The following SLCO1C1 variants were observed in gnomAD, a reference collection of about 807,000 sequenced individuals.
SLCO1C1 encodes the protein OAT-RP-5.
A neutral mutation model predicts 76.4 loss-of-function variants in SLCO1C1; 70 were observed. The ratio of observed to expected loss-of-function variants is 0.92; its 90% confidence interval spans 0.76 to 1.12. SLCO1C1 has a LOEUF of 1.12. SLCO1C1 is among the 50% of genes most tolerant of loss of function. The probability of loss-of-function intolerance (pLI) is 0.00; values close to 1 mark genes in which losing one functional copy is unlikely to be tolerated. For missense variants in SLCO1C1, 912 were observed against 823.8 expected, an observed-to-expected ratio of 1.11 and a Z score of -1.31; for synonymous variants, 306 against 286.1, an observed-to-expected ratio of 1.07 and a Z score of -0.70.
intron 13 of SLCO1C1, among the ~76,000 whole-genome samples, chr12:20,746,266 A>G (rs996060772): frequency 7.9e-5 from 12 of 152,186 alleles, no homozygotes; most frequent in Non-Finnish European, 2.9e-5. Flanking sequence ...CATAGAATAT[A>G]TTAAAACACA....
At chr12:20,699,504 A>C in intron 1 of SLCO1C1, 48 bp from the exon 2 acceptor site, 1 of 1,398,782 alleles carries the variant, frequency 7.1e-7, no homozygotes, top group South Asian at 1.6e-5. Flanking sequence ...AAATTTAATA[A>C]ATTGCGTAGT....
intron 7 of SLCO1C1, among the ~76,000 whole-genome samples, chr12:20,720,769 G>A (rs575147171): frequency 2.0e-5 from 3 of 152,146 alleles, no homozygotes; most frequent in African/African-American, 4.8e-5. Context: ...AGGCCAAGGC[G>A]GGCAGATCAC....
In SLCO1C1 at chr12:20,717,648, C is replaced by CTTTTTTT. The variant is rs534946900; in HGVS notation, c.775+456_775+462dup. ...GTCTACTGGCAACCAAACAGCCCTT[C>CTTTTTTT]TTTTTTTTTTTTTTTTTTTTTTTTT... On this transcript the variant is annotated intron_variant, in intron 7 of 14. Transcript: ENST00000266509. Among the ~76,000 whole-genome samples, 134 of 42,288 alleles carry CTTTTTTT rather than the reference C, an allele frequency of 3.2e-3. 8 individuals are homozygous for CTTTTTTT. The highest frequency in any genetic ancestry group is 6.2e-3 in the South Asian group (5 of 808). 27.7% of individuals were successfully genotyped at this position (42,288 alleles called of 152,430 possible). A position where few individuals can be genotyped will look rare whatever the true frequency, so the allele number is the denominator to read the frequency against.
intron 11 of SLCO1C1, among the ~76,000 whole-genome samples, chr12:20,739,386 T>G (rs930325088): frequency 8.0e-4 from 120 of 150,930 alleles, no homozygotes; most frequent in African/African-American, 2.8e-3. Context: ...GAGATGGGAG[T>G]TGTTTTTTTT....
chr12:20,743,853 T>C (rs1241133230), intron 13 of SLCO1C1, among the ~76,000 whole-genome samples: 5 of 144,810 alleles, frequency 3.5e-5, no homozygotes, highest in African/African-American at 9.7e-5. Context: ...GAGTAGGTCA[T>C]ACTTTAAATT....
intron 9 of SLCO1C1, among the ~76,000 whole-genome samples, chr12:20,724,826 T>C (rs1277237132): frequency 6.8e-6 from 1 of 146,628 alleles, no homozygotes; most frequent in African/African-American, 2.5e-5. Flanking sequence ...TAATAGTTAT[T>C]TATAATACTA....
Position 20,733,105 on chromosome 12 carries a change from G to A in SLCO1C1, c.1382+1G>A. 6.4e-7 allele frequency: 1 copy of A among 1,552,392 alleles called. No individual in the cohort carries two copies. Among genetic ancestry groups the A allele is most frequent in the Middle Eastern group, 1.7e-4 (1 of 5,738 alleles). The stretch of plus-strand genomic sequence containing the variant: ...CAGGACTAACTGTCTCCTACCAAGG[G>A]TATGTTCCCTCATTAAATAGTTTGA... On this transcript the variant is annotated splice_donor_variant, in intron 10 of 14. Transcript: ENST00000266509. LOFTEE classifies it high-confidence loss of function.
At chr12:20,726,635 G>A (rs981141143) in intron 9 of SLCO1C1, among the ~76,000 whole-genome samples, 2 of 152,024 alleles carry the variant, frequency 1.3e-5, no homozygotes, top group African/African-American at 4.8e-5. Flanking sequence ...GATTTTTAAT[G>A]AAAGAAATTT....
At chr12:20,723,684 A>G (rs1460792327) in intron 9 of SLCO1C1, among the ~76,000 whole-genome samples, 3 of 152,160 alleles carry the variant, frequency 2.0e-5, no homozygotes, top group African/African-American at 4.8e-5. Flanking sequence ...AGTTAGTTCA[A>G]AGGGTTGTGT....
intron 10 of SLCO1C1, among the ~76,000 whole-genome samples, chr12:20,736,204 A>G (rs372991703): frequency 6.6e-6 from 1 of 152,024 alleles, no homozygotes; most frequent in South Asian, 2.1e-4. Flanking sequence ...ACAGAAAAAA[A>G]AGTGAGGGAG....
In SLCO1C1 at chr12:20,724,013, G is replaced by A. The variant is rs369173024; in HGVS notation, c.1186+759G>A. Among the ~76,000 whole-genome samples, 125 of 152,150 alleles carry A rather than the reference G, an allele frequency of 8.2e-4. 1 individual carries two copies. The highest frequency in any genetic ancestry group is 2.9e-3 in the African/African-American group (120 of 41,532). On this transcript the variant is annotated intron_variant, in intron 9 of 14. Coordinates refer to ENST00000266509, the MANE Select transcript of SLCO1C1 (RefSeq NM_017435.5). Reference sequence around the variant, plus strand: ...AAAAAAACAGCCAAATGTATTTTAGGAGATATAATTTTTCTATGATAATCT... The same window carrying A: ...AAAAAAACAGCCAAATGTATTTTAGAAGATATAATTTTTCTATGATAATCT...
At chr12:20,750,280 T>C (rs1379813399) in intron 13 of SLCO1C1, among the ~76,000 whole-genome samples, 4 of 152,112 alleles carry the variant, frequency 2.6e-5, no homozygotes, top group Non-Finnish European at 5.9e-5. Flanking sequence ...ATATACCTAA[T>C]AGATAGACTC....
At chr12:20,698,053 T>A (rs979471557) in intron 1 of SLCO1C1, among the ~76,000 whole-genome samples, 2 of 152,082 alleles carry the variant, frequency 1.3e-5, no homozygotes, top group Non-Finnish European at 2.9e-5. Context: ...CTTCTGGTTT[T>A]TATCAATATA....
chr12:20,737,382 C>G (rs1948600426), intron 11 of SLCO1C1, 110 bp downstream of exon 11: 1 of 1,103,972 alleles, frequency 9.1e-7, no homozygotes, highest in Non-Finnish European at 1.2e-6. Flanking sequence ...TGCCTCTTAC[C>G]TCTGCCTGGT....
chr12:20,750,557 T>C, intron 13 of SLCO1C1, 118 bp from the exon 14 acceptor site: 9 of 866,548 alleles, frequency 1.0e-5, no homozygotes, highest in East Asian at 2.4e-5. Context: ...CAGCATGTAA[T>C]TGATGGCCTT....
chr12:20,718,689 G>A (rs141920086), intron 7 of SLCO1C1, among the ~76,000 whole-genome samples: 24 of 152,202 alleles, frequency 1.6e-4, no homozygotes, highest in African/African-American at 5.3e-4. Context: ...TAAATCAAAC[G>A]AAAGTGGTGC....
At chr12:20,738,401 G>T (rs927918868) in intron 11 of SLCO1C1, among the ~76,000 whole-genome samples, 2 of 151,984 alleles carry the variant, frequency 1.3e-5, no homozygotes, top group African/African-American at 4.8e-5. Flanking sequence ...CAGAAAATTA[G>T]ACCACCCATG....
chr12:20,708,734 C>A (rs1946910959), intron 4 of SLCO1C1, among the ~76,000 whole-genome samples: 1 of 152,074 alleles, frequency 6.6e-6, no homozygotes, highest in African/African-American at 2.4e-5. Context: ...GGAGAAAGCA[C>A]AGAAGATGAA....
At position 20,740,211 on chromosome 12, in the gene SLCO1C1, A is replaced by C. The variant is rs558577357; in HGVS notation, c.1576A>C (p.Ile526Leu). Residue 526 changes from isoleucine (I) to leucine (L), a missense_variant, in exon 12 of 15, where the codon ATT becomes CTT. Transcript: ENST00000266509. Reference sequence around the variant, plus strand: ...ATTTTACAACTGCACTTGTGTGGGAATTGCAGCTTCTAAATCCGGAAATTC... The same window carrying C: ...ATTTTACAACTGCACTTGTGTGGGACTTGCAGCTTCTAAATCCGGAAATTC... ...IIFYNCTCVG[I>L]AASKSGNSSG... 3 of 1,612,846 alleles carry C rather than the reference A, an allele frequency of 1.9e-6. No individual in the cohort carries two copies. The East Asian group carries it at 6.7e-5, about 36-fold the overall frequency.
Sources: allele counts gnomAD v4.1 joint callset (sites outside exome capture counted in the v4.1 genomes callset), GRCh38; gene constraint gnomAD v4.1.1; transcripts MANE v1.5; gene names NCBI Gene and HGNC (gene_info 2026-07-23, HGNC 2026-07-21).